Variants in ANK3 observed in about 807,000 individuals in gnomAD.
The protein encoded by ANK3 is ankyrin 3, also known as ankyrin-3.
In ANK3, 57 loss-of-function variants were observed where a neutral mutation model predicts 370.9. The ratio of observed to expected loss-of-function variants is 0.15; its 90% CI spans 0.12 to 0.19. The LOEUF (loss-of-function observed/expected upper bound fraction) is 0.19. ANK3 is among the 10% of genes least tolerant of loss of function. ANK3 has a pLI of 1.00. For missense variants in ANK3, 4,439 were observed against 5,302.1 expected (o/e 0.84, Z 5.06); for synonymous variants, 1,929 against 1,946.3 (o/e 0.99, Z 0.23).
At chr10:60,620,672 T>C (rs1001514731) in intron 1 of ANK3, among the ~76,000 whole-genome samples, 1 of 152,232 alleles carries the variant, frequency 6.6e-6, no homozygotes, top group African/African-American at 2.4e-5. Flanking sequence ...GTGTGACATC[T>C]TGACAGCCCA....
In ANK3 at chr10:60,170,812, A is replaced by G. The variant is rs544086416; in HGVS notation, c.2478+1496T>C. 1.1e-3 allele frequency among the ~76,000 whole-genome samples: 166 copies of G among 152,240 alleles called. 2 individuals carry two copies. The highest frequency in any genetic ancestry group is 3.6e-3 in the African/African-American group (150 of 41,554). On this transcript the variant is annotated intron_variant, in intron 21 of 43. Transcript: ENST00000280772. ...TTTGTTCTTAACTCTACTTTCTCTT[A>G]AAGCTTTTTTTTGATTTTGAAGAAA...
intron 1 of ANK3, among the ~76,000 whole-genome samples, chr10:60,381,712 C>T (rs188130386): frequency 6.6e-6 from 1 of 152,164 alleles, no homozygotes; most frequent in Admixed American, 6.5e-5. Context: ...TCTTTTTATG[C>T]AAGGAACCTG....
At chr10:60,325,967 T>C (rs975811769) in intron 1 of ANK3, among the ~76,000 whole-genome samples, 1 of 152,206 alleles carries the variant, frequency 6.6e-6, no homozygotes, top group Admixed American at 6.5e-5. Context: ...AACAAGATCA[T>C]GCCCTTTGCA....
chr10:60,321,993 C>T (rs183248050), intron 1 of ANK3, among the ~76,000 whole-genome samples: 1 of 152,050 alleles, frequency 6.6e-6, no homozygotes, highest in Non-Finnish European at 1.5e-5. Context: ...TTTGGACCTC[C>T]CTACTTTTGT....
chr10:60,512,749 T>C (rs954142071), intron 2 of ANK3, among the ~76,000 whole-genome samples: 4 of 152,114 alleles, frequency 2.6e-5, no homozygotes, highest in Non-Finnish European at 4.4e-5. Context: ...AAAGAAATAT[T>C]AGCCATAAGA....
chr10:60,606,964 G>A (rs2133312205), intron 2 of ANK3, among the ~76,000 whole-genome samples: 1 of 152,260 alleles, frequency 6.6e-6, no homozygotes, highest in South Asian at 2.1e-4. Context: ...CCAACAAGCT[G>A]TTGCATATTG....
intron 10 of ANK3, 86 bp downstream of exon 10, chr10:60,207,950 C>A: frequency 8.5e-7 from 1 of 1,176,492 alleles, no homozygotes; most frequent in Non-Finnish European, 1.3e-6. Flanking sequence ...TCTATTTTAA[C>A]CTCCTCAAAG....
chr10:60,240,657 T>C (rs1375555915), intron 7 of ANK3, among the ~76,000 whole-genome samples: 1 of 152,046 alleles, frequency 6.6e-6, no homozygotes, highest in Non-Finnish European at 1.5e-5. Context: ...AGTAGCACAA[T>C]CTCAGTTCAC....
chr10:60,230,821 G>A (rs1393936771), intron 8 of ANK3, among the ~76,000 whole-genome samples: 1 of 151,546 alleles, frequency 6.6e-6, no homozygotes, highest in East Asian at 1.9e-4. Flanking sequence ...CCCAGGAGGT[G>A]GAGCTTGCAG....
intron 1 of ANK3, among the ~76,000 whole-genome samples, chr10:60,367,300 T>C (rs1408204150): frequency 3.3e-5 from 5 of 152,232 alleles, no homozygotes; most frequent in Non-Finnish European, 1.5e-5. Context: ...AGACTGCCTT[T>C]ATGAAAAATT....
At chr10:60,259,160 T>C (rs1300200746) in intron 7 of ANK3, among the ~76,000 whole-genome samples, 1 of 152,192 alleles carries the variant, frequency 6.6e-6, no homozygotes, top group Non-Finnish European at 1.5e-5. Flanking sequence ...GCTAGATTAT[T>C]ATACAACAAA....
chr10:60,269,416 C>T (rs1341665564), intron 5 of ANK3, among the ~76,000 whole-genome samples: 3 of 151,948 alleles, frequency 2.0e-5, no homozygotes, highest in East Asian at 1.9e-4. Flanking sequence ...GAGGCCGAGG[C>T]GGGTGGATCA....
chr10:60,413,475 C>A (rs1035056637), intron 2 of ANK3, among the ~76,000 whole-genome samples: 1 of 152,194 alleles, frequency 6.6e-6, no homozygotes, highest in Non-Finnish European at 1.5e-5. Flanking sequence ...AGTAACTTCT[C>A]TTCTCTATGG....
At chr10:60,249,225 TCTA>T (rs1032932827) in intron 7 of ANK3, among the ~76,000 whole-genome samples, 1 of 152,208 alleles carries the variant, frequency 6.6e-6, no homozygotes, top group African/African-American at 2.4e-5. Flanking sequence ...AATTACTTAC[TCTA>T]CTTTGAGGAA....
chr10:60,668,740 T>C (rs1000394162), intron 1 of ANK3, among the ~76,000 whole-genome samples: 3 of 152,086 alleles, frequency 2.0e-5, no homozygotes, highest in African/African-American at 7.2e-5. Flanking sequence ...ACACCTGTAA[T>C]CCCAGCACTT....
chr10:60,222,539 T>C (rs1158049897), intron 8 of ANK3, among the ~76,000 whole-genome samples: 1 of 152,194 alleles, frequency 6.6e-6, no homozygotes, highest in African/African-American at 2.4e-5. Flanking sequence ...GTGTGGCCTA[T>C]CACTCACTTT....
In ANK3 at chr10:60,200,634, C is replaced by T. The variant is rs560339769; in HGVS notation, c.1393-407G>A. Among the ~76,000 whole-genome samples, 21 of 151,528 alleles carry T rather than the reference C, an allele frequency of 1.4e-4. 1 individual carries two copies. The highest frequency in any genetic ancestry group is 6.6e-5 in the Admixed American group (1 of 15,204). ...CCCCACACCCCCCACATCTGCAGCTCGCTGCTGTCACTGTGCAAGATGCCA... is the reference window on the plus strand; with the variant it reads ...CCCCACACCCCCCACATCTGCAGCTTGCTGCTGTCACTGTGCAAGATGCCA... On this transcript the variant is annotated intron_variant, in intron 12 of 43. Coordinates refer to ENST00000280772, the MANE Select transcript of ANK3 (RefSeq NM_020987.5).
At chr10:60,583,528 T>A (rs2077787199) in intron 2 of ANK3, among the ~76,000 whole-genome samples, 1 of 149,568 alleles carries the variant, frequency 6.7e-6, no homozygotes, top group Non-Finnish European at 1.5e-5. Flanking sequence ...GTTTTTTGTT[T>A]TTTTTTGAGG....
chr10:60,253,861 T>C (rs537418523), intron 7 of ANK3, among the ~76,000 whole-genome samples: 1 of 152,342 alleles, frequency 6.6e-6, no homozygotes, highest in East Asian at 1.9e-4. Flanking sequence ...AAAAGAAATG[T>C]ATGTGTGTGT....
Sources: gnomAD v4.1 joint callset for allele counts (sites outside exome capture counted in the v4.1 genomes callset) on GRCh38, gnomAD v4.1.1 for gene constraint, MANE v1.5 for transcripts, NCBI Gene and HGNC (gene_info 2026-07-23, HGNC 2026-07-21) for gene names.